Variants in KDM4C observed in about 807,000 individuals in gnomAD.
The protein encoded by KDM4C is lysine demethylase 4C, also known as lysine-specific demethylase 4C.
KDM4C carries 81 observed loss-of-function variants against 129.3 expected under a neutral mutation model. The observed-to-expected ratio is 0.63, with a 90% confidence interval of 0.52 to 0.75. The LOEUF is 0.75. Among genes scored for constraint, KDM4C ranks in the 30% least tolerant of loss-of-function variants. The pLI, the probability that KDM4C is intolerant of heterozygous loss-of-function variation, is 0.00. For synonymous variants in KDM4C, 573 were observed against 456.1 expected (o/e 1.26, Z -3.26); for missense variants, 1,457 against 1,304.0 (o/e 1.12, Z -1.81).
At chr9:6,739,763 A>G (rs1328531710) in intron 1 of KDM4C, among the ~76,000 whole-genome samples, 1 of 152,058 alleles carries the variant, frequency 6.6e-6, no homozygotes, top group Non-Finnish European at 1.5e-5. Context: ...TTGGGAGACC[A>G]AGGAGGAAGG....
intron 8 of KDM4C, among the ~76,000 whole-genome samples, chr9:6,948,584 A>T (rs1827418048): frequency 6.7e-6 from 1 of 150,324 alleles, no homozygotes; most frequent in Non-Finnish European, 1.5e-5. Context: ...TCAGTAGATA[A>T]ACAAGTGAAC....
intron 18 of KDM4C, among the ~76,000 whole-genome samples, chr9:7,122,265 A>ACACACACACACACACACACACACACACT (rs375655422): frequency 6.9e-6 from 1 of 144,714 alleles, no homozygotes; most frequent in Non-Finnish European, 1.5e-5. Context: ...ACACACACAC[A>ACACACACACACACACACACACACACACT]CTCTCTCTCT....
intron 15 of KDM4C, among the ~76,000 whole-genome samples, chr9:7,037,671 G>C (rs1827882705): frequency 6.6e-6 from 1 of 152,030 alleles, no homozygotes; most frequent in African/African-American, 2.4e-5. Context: ...ATCAGGAAAA[G>C]TACAAAACTG....
intron 19 of KDM4C, among the ~76,000 whole-genome samples, chr9:7,148,746 G>A (rs1295493612): frequency 6.6e-6 from 1 of 152,218 alleles, no homozygotes; most frequent in Non-Finnish European, 1.5e-5. Context: ...TTAGTGGAGA[G>A]GAGACCTGAA....
chr9:6,842,137 T>C (rs934932928), intron 4 of KDM4C, among the ~76,000 whole-genome samples: 7 of 152,094 alleles, frequency 4.6e-5, no homozygotes, highest in Admixed American at 3.3e-4. Flanking sequence ...TGGACAAATA[T>C]ATGATTCATT....
intron 1 of KDM4C, chr9:6,724,123 T>C (rs1025705282): frequency 1.3e-5 from 2 of 151,852 alleles, no homozygotes; most frequent in Admixed American, 1.3e-4. Flanking sequence ...GAAAGAGGAG[T>C]GCTTAAGGAA....
At chr9:6,883,339 G>A (rs2130802602) in intron 6 of KDM4C, among the ~76,000 whole-genome samples, 1 of 152,242 alleles carries the variant, frequency 6.6e-6, no homozygotes, top group Admixed American at 6.5e-5. Flanking sequence ...CATAAAAAAT[G>A]CAAAAGACCA....
chr9:7,076,145 G>A (rs545355839), intron 17 of KDM4C, among the ~76,000 whole-genome samples: 8 of 152,012 alleles, frequency 5.3e-5, no homozygotes, highest in African/African-American at 1.9e-4. Flanking sequence ...CCCAGTTCTG[G>A]CCATCCTACT....
intron 19 of KDM4C, among the ~76,000 whole-genome samples, chr9:7,164,686 C>T (rs1456022859): frequency 6.6e-6 from 1 of 152,174 alleles, no homozygotes; most frequent in Non-Finnish European, 1.5e-5. Flanking sequence ...CCATTTGTCC[C>T]CTGCTCCACT....
At chr9:7,026,756 A>C (rs1825882003) in intron 15 of KDM4C, among the ~76,000 whole-genome samples, 1 of 151,948 alleles carries the variant, frequency 6.6e-6, no homozygotes, top group Non-Finnish European at 1.5e-5. Context: ...TTGATCCTGT[A>C]GGTGTGCTTC....
intron 19 of KDM4C, among the ~76,000 whole-genome samples, chr9:7,155,803 G>C (rs1843108123): frequency 6.6e-6 from 1 of 152,196 alleles, no homozygotes; most frequent in Admixed American, 6.5e-5. Flanking sequence ...ATTGTGAATA[G>C]TGTGGCAATA....
intron 18 of KDM4C, among the ~76,000 whole-genome samples, chr9:7,104,687 G>A (rs1246472898): frequency 7.2e-5 from 11 of 152,178 alleles, no homozygotes; most frequent in Non-Finnish European, 1.5e-4. Flanking sequence ...CCAAATAGGA[G>A]GCTAAAGCAT....
rs553460025 is a variant in KDM4C, at chr9:6,978,276, A to G, written c.922-2649A>G. On this transcript the variant is annotated intron_variant, in intron 8 of 21. Transcript: ENST00000381309. ...TGCATTGTGGGTCTTACAGTTTCTC[A>G]GCAAATTGATATGATGTAATCTTTT... 3.9e-5 allele frequency among the ~76,000 whole-genome samples: 6 copies of G among 152,320 alleles called. No homozygotes were observed. The South Asian group carries it at 1.2e-3, about 32-fold the overall frequency.
At chr9:7,165,778 A>G (rs926109094) in intron 20 of KDM4C, among the ~76,000 whole-genome samples, 1 of 152,198 alleles carries the variant, frequency 6.6e-6, no homozygotes, top group Admixed American at 6.5e-5. Context: ...ACTCCCCGCT[A>G]TCTCAGCAAA....
chr9:7,170,105 G>A, intron 21 of KDM4C: 1 of 1,439,908 alleles, frequency 6.9e-7, no homozygotes, highest in East Asian at 2.7e-5. Context: ...TTCTTCTAAT[G>A]AAGTCACATG....
chr9:7,174,638 G>T lies in KDM4C; in HGVS notation c.3080G>T (p.Ser1027Ile). The T allele has an allele frequency of 1.2e-6, 2 of 1,614,122 alleles. No homozygotes were observed. The highest frequency in any genetic ancestry group is 1.7e-6 in the Non-Finnish European group (2 of 1,179,950). The change falls in exon 22 of 22, where the codon AGC (serine) becomes ATC (isoleucine). Residue 1027 changes from serine to isoleucine, a missense_variant. Coordinates refer to ENST00000381309, the MANE Select transcript of KDM4C (RefSeq NM_015061.6). ...GAGAGAAAGAGACAAAGAGTGCTGA[G>T]CTCCAGGTTTAAGAATGAATATGTG... ...QGERKRQRVL[S>I]SRFKNEYVAD... is the part of the protein sequence containing the mutation.
chr9:6,785,791 G>C (rs1825361851), intron 1 of KDM4C, among the ~76,000 whole-genome samples: 1 of 152,192 alleles, frequency 6.6e-6, no homozygotes, highest in South Asian at 2.1e-4. Flanking sequence ...GTGTCTTTTG[G>C]GGGGACACAA....
At chr9:6,980,603 A>G (rs1746266233) in intron 8 of KDM4C, among the ~76,000 whole-genome samples, 2 of 152,152 alleles carry the variant, frequency 1.3e-5, no homozygotes, top group East Asian at 1.9e-4. Flanking sequence ...CAGTTCATTG[A>G]CACATCATTG....
At chr9:7,133,958 G>A (rs1840917287) in intron 19 of KDM4C, among the ~76,000 whole-genome samples, 1 of 152,156 alleles carries the variant, frequency 6.6e-6, no homozygotes, top group East Asian at 1.9e-4. Flanking sequence ...TGCATATATG[G>A]CATTGGCAGA....
Sources: gnomAD v4.1 joint callset for allele counts (sites outside exome capture counted in the v4.1 genomes callset) on GRCh38, gnomAD v4.1.1 for gene constraint, MANE v1.5 for transcripts, NCBI Gene and HGNC (gene_info 2026-07-23, HGNC 2026-07-21) for gene names.